TMEM80: variants seen among roughly 807,000 people sequenced by gnomAD.
The protein encoded by TMEM80 is transmembrane protein 80.
A neutral mutation model predicts 13.6 loss-of-function variants in TMEM80; 16 were observed. The observed-to-expected ratio is 1.17, with a 90% CI of 0.79 to 1.78. TMEM80 has a LOEUF of 1.78. Among genes scored for constraint, TMEM80 ranks in the 40% most tolerant of loss-of-function variants. The pLI, the probability that TMEM80 is intolerant of heterozygous loss-of-function variation, is 0.00. For missense variants in TMEM80, 167 were observed against 184.6 expected (o/e 0.90, Z 0.55); for synonymous variants, 92 against 89.5 (o/e 1.03, Z -0.16).
At chr11:700,919 TG>T in intron 4 of TMEM80, 1 of 601,130 alleles carries the variant, frequency 1.7e-6, no homozygotes, top group Non-Finnish European at 3.0e-6. Flanking sequence ...GGGGCATCGT[TG>T]GGAGAGACTC....
Position 702,964 on chromosome 11 carries a change from A to G in TMEM80, c.246A>G (p.Thr82=), listed in dbSNP as rs1861564888. 1.2e-6 allele frequency: 2 copies of G among 1,609,480 alleles called. No individual in the cohort carries two copies. The highest frequency in any genetic ancestry group is 1.7e-6 in the Non-Finnish European group (2 of 1,178,628). ...CTCCAGGCACCAGGGGCAACCTGAC[A>G]GAGGCTGAGAGGCCGCTGGCCGCCA... ...RLYLGTRGNL[T]EAERPLAASL... The change falls in exon 5 of 5, where the codon ACA becomes ACG. Residue 82 remains threonine, a synonymous_variant. Coordinates refer to ENST00000397510, the MANE Select transcript of TMEM80 (RefSeq NM_001042463.3).
chr11:703,121 G>A lies in TMEM80; in HGVS notation c.403G>A (p.Val135Met). 1 of 1,609,226 alleles carries A rather than the reference G, an allele frequency of 6.2e-7. No homozygotes were observed. The highest frequency in any genetic ancestry group is 8.5e-7 in the Non-Finnish European group (1 of 1,177,286). Reference sequence around the variant, plus strand: ...TCACGGCCTGGAGGCCGTCCTGCAGGTGGTTGCCATCGCGGCCTTCACCAG... The same window carrying A: ...TCACGGCCTGGAGGCCGTCCTGCAGATGGTTGCCATCGCGGCCTTCACCAG... ...ALHGLEAVLQ[V>M]VAIAAFTR The change falls in exon 5 of 5, where the codon GTG becomes ATG. Residue 135 changes from valine (V) to methionine (M), a missense_variant. Physicochemically the swap from Val to Met is conservative, Grantham distance 21 (BLOSUM62 1). Coordinates refer to ENST00000397510, the MANE Select transcript of TMEM80 (RefSeq NM_001042463.3).
intron 4 of TMEM80, among the ~76,000 whole-genome samples, chr11:701,976 A>T (rs879856774): frequency 5.9e-5 from 9 of 152,018 alleles, no homozygotes; most frequent in Non-Finnish European, 1.2e-4. Context: ...ACCTAAACAC[A>T]CGTGTTTGTG....
chr11:702,002 G>T (rs943560793), intron 4 of TMEM80, among the ~76,000 whole-genome samples: 2 of 152,178 alleles, frequency 1.3e-5, no homozygotes, highest in African/African-American at 4.8e-5. Context: ...TTGTCCTGCC[G>T]TGGGGAACGC....
rs1861602169 is a variant in TMEM80 at position 703,694 on chromosome 11, A to AGGCC, written c.*545_*548dup. 8.1e-7 allele frequency: 1 copy of AGGCC among 1,232,206 alleles called. No homozygotes were observed. The highest frequency in any genetic ancestry group is 1.0e-6 in the Non-Finnish European group (1 of 988,404). 76.3% of individuals were successfully genotyped at this position (1,232,206 alleles called of 1,614,324 possible). On this transcript the variant is annotated 3_prime_UTR_variant, in exon 5 of 5. Coordinates refer to ENST00000397510, the MANE Select transcript of TMEM80 (RefSeq NM_001042463.3). ...CCCCAGCTCTGCCTCACAGGCAGGC[A>AGGCC]GGCCCGGTGCAAGAGTGGACTCTGG...
chr11:695,945 GC>G, intron 1 of TMEM80, 99 bp downstream of exon 1: 1 of 953,868 alleles, frequency 1.0e-6, no homozygotes, highest in Non-Finnish European at 1.4e-6. Flanking sequence ...CGCTCACGGG[GC>G]CGTGCCACCG....
Position 702,990 on chromosome 11 carries a change from G to T in TMEM80, c.272G>T (p.Ser91Ile). ...GAGGCTGAGAGGCCGCTGGCCGCCA[G>T]CCTGGCCCTCACGGCTGGCACCGCC... ...LTEAERPLAA[S>I]LALTAGTALL... The change falls in exon 5 of 5, where the codon AGC becomes ATC. Residue 91 changes from serine (S) to isoleucine (I), a missense_variant. Transcript: ENST00000397510. 1 of 1,611,654 alleles carries T rather than the reference G, an allele frequency of 6.2e-7. No individual in the cohort carries two copies. The highest frequency in any genetic ancestry group is 1.3e-5 in the African/African-American group (1 of 75,044).
downstream of TMEM80, chr11:704,399 G>A (rs545624956): frequency 8.1e-7 from 1 of 1,239,558 alleles, no homozygotes; most frequent in Non-Finnish European, 1.1e-6. Flanking sequence ...GGAGCACCCA[G>A]TTGTCCTGGG....
rs538320330 is a variant in TMEM80 at position 698,724 on chromosome 11, A to G, written c.20-145A>G. ...AGAGGCACGGGAGCTATCTAGTGGC[A>G]GGCCCACGGTATATGTTTGCTGCTT... is the stretch of plus-strand genomic sequence containing the variant. On this transcript the variant is annotated intron_variant, in intron 1 of 4. Coordinates refer to ENST00000397510, the MANE Select transcript of TMEM80 (RefSeq NM_001042463.3). The G allele has an allele frequency of 5.4e-6, 5 of 924,248 alleles. 1 individual carries two copies. Among genetic ancestry groups the G allele is most frequent in the African/African-American group, 3.2e-5 (2 of 61,858 alleles). 57.3% of individuals were successfully genotyped at this position (924,248 alleles called of 1,614,324 possible). A position where few individuals can be genotyped will look rare whatever the true frequency, so the allele number is the denominator to read the frequency against.
intron 1 of TMEM80, chr11:697,582 A>G (rs1861258831): frequency 6.6e-6 from 1 of 152,250 alleles, no homozygotes; most frequent in African/African-American, 2.4e-5. Context: ...AATCTATAAC[A>G]GTGAGCAACT....
Position 702,887 on chromosome 11 carries a change from C to CGGTG in TMEM80, c.227-55_227-52dup, listed in dbSNP as rs767470021. On this transcript the variant is annotated intron_variant, in intron 4 of 4. Transcript: ENST00000397510. ...CAGCAGCCCTCCAGGCACCTGTGGG[C>CGGTG]GGTGGGCTCCAGGGAGCGCCTCGCA... 1.5e-4 allele frequency: 222 copies of CGGTG among 1,497,872 alleles called. 1 individual carries two copies. The highest frequency in any genetic ancestry group is 1.9e-4 in the Non-Finnish European group (206 of 1,100,030). 92.8% of individuals were successfully genotyped at this position (1,497,872 alleles called of 1,614,324 possible). A position where few individuals can be genotyped will look rare whatever the true frequency, so the allele number is the denominator to read the frequency against.
chr11:703,797 C>T lies in TMEM80; in HGVS notation c.*647C>T. 8.1e-7 allele frequency: 1 copy of T among 1,233,310 alleles called. No individual in the cohort carries two copies. Among genetic ancestry groups the T allele is most frequent in the East Asian group, 3.2e-5 (1 of 31,710 alleles). 76.4% of individuals were successfully genotyped at this position (1,233,310 alleles called of 1,614,324 possible). A position where few individuals can be genotyped will look rare whatever the true frequency, so the allele number is the denominator to read the frequency against. On this transcript the variant is annotated 3_prime_UTR_variant, in exon 5 of 5. Coordinates refer to ENST00000397510, the MANE Select transcript of TMEM80 (RefSeq NM_001042463.3). ...TCCATCTTAGCCACACTTCTCCCTT[C>T]AGGGGCTTCGGAGGAGAGGTCAGGG...
At chr11:698,815 G>T in intron 1 of TMEM80, 54 bp from the exon 2 acceptor site, 1 of 1,611,580 alleles carries the variant, frequency 6.2e-7, no homozygotes. Context: ...AGCGAGACCC[G>T]GGAAAGCATC....
In TMEM80 at chr11:700,206, T is replaced by C; in HGVS notation, c.104T>C (p.Leu35Pro). The change falls in exon 3 of 5, where the codon CTC becomes CCC. Residue 35 changes from leucine (L) to proline (P), a missense_variant. By Grantham distance (98) the Leu-to-Pro change is moderately conservative. Transcript: ENST00000397510. ...LSGTYYALYF[L>P]ATLLMITYKS... ...GGAACGTACTACGCCCTGTATTTCC[T>C]CGCCACGCTCCTGATGATCACGTAT... The C allele has an allele frequency of 1.2e-6, 2 of 1,614,044 alleles. No individual in the cohort carries two copies. Among genetic ancestry groups the C allele is most frequent in the African/African-American group, 1.3e-5 (1 of 75,034 alleles).
chr11:701,966 A>G (rs755468438), intron 4 of TMEM80, among the ~76,000 whole-genome samples: 6 of 152,168 alleles, frequency 3.9e-5, no homozygotes, highest in Non-Finnish European at 7.3e-5. Context: ...TAACATGTGC[A>G]CCTAAACACA....
At chr11:704,988 G>C (rs1280951203), downstream of TMEM80, 1 of 271,570 alleles carries the variant, frequency 3.7e-6, no homozygotes, top group Non-Finnish European at 7.3e-6. Context: ...GCAGGATCAC[G>C]GCAGGTTCCT....
intron 4 of TMEM80, among the ~76,000 whole-genome samples, chr11:701,406 CTTTTTT>C (rs71022955): frequency 1.1e-4 from 7 of 64,900 alleles, no homozygotes; most frequent in African/African-American, 4.4e-4. Context: ...GACAAGGTTT[CTTTTTT>C]TTTTTTTTTT....
chr11:702,416 C>T (rs1045501661), intron 4 of TMEM80, among the ~76,000 whole-genome samples: 1 of 152,228 alleles, frequency 6.6e-6, no homozygotes, highest in African/African-American at 2.4e-5. Flanking sequence ...GGCTGCTAGG[C>T]CAACGGGACC....
intron 4 of TMEM80, among the ~76,000 whole-genome samples, chr11:701,571 C>A (rs1029983243): frequency 6.6e-6 from 1 of 151,998 alleles, no homozygotes; most frequent in African/African-American, 2.4e-5. Flanking sequence ...CCACCACGCC[C>A]GGCTCATTTT....
Sources: allele counts gnomAD v4.1 joint callset (sites outside exome capture counted in the v4.1 genomes callset), GRCh38; gene constraint gnomAD v4.1.1; transcripts MANE v1.5; gene names NCBI Gene and HGNC (gene_info 2026-07-23, HGNC 2026-07-21).